The following SIM2 variants were observed in gnomAD, a reference collection of about 807,000 sequenced individuals.
SIM2 encodes the protein SIM bHLH transcription factor 2.
Under a neutral mutation model 64.8 loss-of-function variants are expected in SIM2, and 28 were observed. The observed-to-expected ratio is 0.43, with a 90% CI of 0.32 to 0.59. The LOEUF (loss-of-function observed/expected upper bound fraction) is 0.59, where lower values mean the gene tolerates loss of function less well. SIM2 is among the 20% of genes least tolerant of loss of function. The probability of loss-of-function intolerance (pLI) is 0.07; values close to 1 mark genes in which losing one functional copy is unlikely to be tolerated. For missense variants in SIM2, 847 were observed against 871.4 expected, an observed-to-expected ratio of 0.97 and a Z score of 0.35; for synonymous variants, 408 against 391.1, an observed-to-expected ratio of 1.04 and a Z score of -0.51.
chr21:36,744,846 A>G lies in SIM2; in HGVS notation c.1286A>G (p.Asp429Gly), dbSNP rs748810288. ...PELQPHSESS[D>G]LLYTPSYSLP... ...CTGCAGCCCCACTCAGAAAGCAGTG[A>G]CCTTCTGTACACGCCATCCTACAGC... The change falls in exon 10 of 11, where the codon GAC (aspartate) becomes GGC (glycine). Residue 429 changes from aspartate to glycine, a missense_variant. Asp to Gly is a moderately conservative substitution (Grantham distance 94, BLOSUM62 -1). This residue lies in a region of SIM2 where 447 missense variants were observed against 414.6 expected (regional missense o/e 1.08). Coordinates refer to ENST00000290399, the MANE Select transcript of SIM2 (RefSeq NM_005069.6). The G allele has an allele frequency of 1.9e-6, 3 of 1,614,086 alleles. No homozygotes were observed. The African/African-American group carries it at 4.0e-5, about 22-fold the overall frequency.
chr21:36,706,558 A>T (rs958644880), intron 1 of SIM2, among the ~76,000 whole-genome samples: 1 of 152,270 alleles, frequency 6.6e-6, no homozygotes, highest in Non-Finnish European at 1.5e-5. Context: ...CCACGTGCTC[A>T]GTGCCTCACT....
chr21:36,740,009 G>GAGAAAGAA (rs71840582), intron 7 of SIM2, among the ~76,000 whole-genome samples: 5,707 of 131,166 alleles, frequency 0.044, 250 homozygotes, highest in African/African-American at 0.11. Flanking sequence ...GAAAGAAAGA[G>GAGAAAGAA]AGAAAGAAAG....
chr21:36,699,774 A>G lies in SIM2; in HGVS notation c.28A>G (p.Lys10Glu), dbSNP rs1379983560. 1 of 1,612,998 alleles carries G rather than the reference A, an allele frequency of 6.2e-7. No individual in the cohort carries two copies. The highest frequency in any genetic ancestry group is 8.5e-7 in the Non-Finnish European group (1 of 1,179,394). The part of the protein sequence containing the change: MKEKSKNAA[K>E]TRREKENGEF... Reference sequence around the variant, plus strand: ...GAAGGAGAAGTCCAAGAATGCGGCCAAGACCAGGAGGGAGAAGGAAAATGG... The same window carrying G: ...GAAGGAGAAGTCCAAGAATGCGGCCGAGACCAGGAGGGAGAAGGAAAATGG... Residue 10 changes from lysine to glutamate, a missense_variant, in exon 1 of 11, where the codon AAG (lysine) becomes GAG (glutamate). By Grantham distance (56) the Lys-to-Glu change is moderately conservative. Around this residue, in one of 3 missense-constraint regions of SIM2, gnomAD observed 397 missense variants for 439.2 expected, o/e 0.90. Coordinates refer to ENST00000290399, the MANE Select transcript of SIM2 (RefSeq NM_005069.6). The surrounding 1 kb of genome is among the most constrained non-coding windows in gnomAD (Gnocchi z 5.6).
chr21:36,737,619 C>T (rs533097618), intron 7 of SIM2, among the ~76,000 whole-genome samples: 7 of 152,302 alleles, frequency 4.6e-5, no homozygotes, highest in African/African-American at 1.7e-4. Flanking sequence ...GAATTTCACC[C>T]GGCTCTCTAG....
chr21:36,739,997 AAGAAAGAAAGAG>A (rs1356805578), intron 7 of SIM2, among the ~76,000 whole-genome samples: 3 of 135,844 alleles, frequency 2.2e-5, no homozygotes, highest in Non-Finnish European at 4.7e-5. Flanking sequence ...GAAGAGAAGA[AAGAAAGAAAGAG>A]AGAAAGAAAG....
chr21:36,711,274 G>A (rs1441594331), intron 2 of SIM2, among the ~76,000 whole-genome samples: 1 of 152,188 alleles, frequency 6.6e-6, no homozygotes, highest in Admixed American at 6.5e-5. Flanking sequence ...AATTAAGCAA[G>A]CATGCCAAAT....
chr21:36,719,156 G>T (rs1170783494), intron 3 of SIM2, among the ~76,000 whole-genome samples: 1 of 152,220 alleles, frequency 6.6e-6, no homozygotes, highest in Admixed American at 6.5e-5. Context: ...CACAGCCCCA[G>T]CCACACCCCT....
At chr21:36,739,241 C>A (rs948787162) in intron 7 of SIM2, among the ~76,000 whole-genome samples, 2 of 152,152 alleles carry the variant, frequency 1.3e-5, no homozygotes, top group African/African-American at 4.8e-5. Context: ...TTTCAACAAC[C>A]ATATGAAGTA....
intron 1 of SIM2, among the ~76,000 whole-genome samples, chr21:36,701,880 G>A (rs1405335532): frequency 6.6e-6 from 1 of 152,218 alleles, no homozygotes; most frequent in East Asian, 1.9e-4. Context: ...TGTGGAATCC[G>A]GACGAGAGGG....
rs762350598 is a variant in SIM2 at position 36,719,865 on chromosome 21, T to C, written c.393T>C (p.Ser131=). 2.5e-5 allele frequency: 41 copies of C among 1,613,408 alleles called. No homozygotes were observed. The highest frequency in any genetic ancestry group is 3.4e-5 in the Non-Finnish European group (40 of 1,179,654). ...GNSIYEYIHP[S]DHDEMTAVLT... is the part of the protein sequence containing the mutation. ...GTATTTATGAATACATCCATCCTTCTGACCACGATGAGATGACCGCTGTCC... is the reference window on the plus strand; with the variant it reads ...GTATTTATGAATACATCCATCCTTCCGACCACGATGAGATGACCGCTGTCC... The change falls in exon 4 of 11, where the codon TCT becomes TCC. Residue 131 remains serine, a synonymous_variant. Coordinates refer to ENST00000290399, the MANE Select transcript of SIM2 (RefSeq NM_005069.6).
intron 7 of SIM2, among the ~76,000 whole-genome samples, chr21:36,733,241 A>G (rs191662237): frequency 2.6e-5 from 4 of 152,134 alleles, no homozygotes; most frequent in Admixed American, 1.3e-4. Flanking sequence ...TTTTTTTTTA[A>G]TGAGATGGAG....
At chr21:36,702,750 G>A (rs112259105) in intron 1 of SIM2, among the ~76,000 whole-genome samples, 5,286 of 152,106 alleles carry the variant, frequency 0.035, 91 homozygotes, top group African/African-American at 0.04. Context: ...CAGGGTCAGG[G>A]TGGTGGCCCT....
intron 8 of SIM2, 91 bp from the exon 9 acceptor site, chr21:36,743,296 C>T: frequency 8.7e-7 from 1 of 1,148,914 alleles, no homozygotes; most frequent in South Asian, 1.5e-5. Flanking sequence ...CACTGGAGCA[C>T]TGAGAACGCC....
chr21:36,724,714 G>GT (rs965807156), intron 5 of SIM2, among the ~76,000 whole-genome samples: 1 of 152,174 alleles, frequency 6.6e-6, no homozygotes, highest in African/African-American at 2.4e-5. Context: ...TTTAAGATTT[G>GT]TTTTAGCCCT....
Position 36,719,884 on chromosome 21 carries a change from G to A in SIM2, c.412G>A (p.Ala138Thr), listed in dbSNP as rs565925240. ...TCCTTCTGACCACGATGAGATGACC[G>A]CTGTCCTCACGGCCCACCAGCCGCT... ...IHPSDHDEMT[A>T]VLTAHQPLHH... The change falls in exon 4 of 11, where the codon GCT becomes ACT. Residue 138 changes from alanine to threonine, a missense_variant. Transcript: ENST00000290399. 5.1e-5 allele frequency: 82 copies of A among 1,613,072 alleles called. 2 individuals are homozygous for A. In the Middle Eastern group the frequency reaches 6.6e-4, roughly 13 times the overall value.
At chr21:36,708,195 T>A (rs553047450) in intron 1 of SIM2, among the ~76,000 whole-genome samples, 1 of 152,112 alleles carries the variant, frequency 6.6e-6, no homozygotes, top group Admixed American at 6.5e-5. Context: ...GGCGGAAAGA[T>A]TCCGGGGAGG....
At chr21:36,737,961 C>CAAAAAAAAAAAAAAAAAAAAAAAAAAAA (rs61252184) in intron 7 of SIM2, among the ~76,000 whole-genome samples, 15 of 34,132 alleles carry the variant, frequency 4.4e-4, no homozygotes, top group Middle Eastern at 0.033. Context: ...GACCCTGTCT[C>CAAAAAAAAAAAAAAAAAAAAAAAAAAAA]AAAAAAAAAA....
At chr21:36,734,344 C>T (rs1332055981) in intron 7 of SIM2, among the ~76,000 whole-genome samples, 1 of 152,174 alleles carries the variant, frequency 6.6e-6, no homozygotes, top group East Asian at 1.9e-4. Context: ...GGCAAGCAGG[C>T]ACAGGCTCAA....
intron 1 of SIM2, among the ~76,000 whole-genome samples, chr21:36,707,915 G>C (rs1049097537): frequency 2.0e-5 from 3 of 149,968 alleles, no homozygotes; most frequent in Non-Finnish European, 4.4e-5. Context: ...CAGTGCTCGC[G>C]GCACCACCGC....
Sources: gnomAD v4.1 joint callset for allele counts (sites outside exome capture counted in the v4.1 genomes callset) on GRCh38, gnomAD v4.1.1 for gene constraint, gnomAD v4.1.1 regional missense constraint, Gnocchi (gnomAD v3.1) non-coding constraint, MANE v1.5 for transcripts, NCBI Gene and HGNC (gene_info 2026-07-23, HGNC 2026-07-21) for gene names.